Variants in STPG2 observed in about 807,000 individuals in gnomAD.
The protein encoded by STPG2 is sperm-tail PG-rich repeat-containing protein 2.
STPG2 carries 56 observed loss-of-function variants against 54.2 expected under a neutral mutation model. The ratio of observed to expected loss-of-function variants is 1.03; its 90% CI spans 0.83 to 1.29. The LOEUF (loss-of-function observed/expected upper bound fraction) is 1.29. Among genes scored for constraint, STPG2 ranks in the 50% most tolerant of loss-of-function variants. The pLI, the probability that STPG2 is intolerant of heterozygous loss-of-function variation, is 0.00. For missense variants in STPG2, 596 were observed against 544.9 expected, an observed-to-expected ratio of 1.09 and a Z score of -0.93; for synonymous variants, 200 against 181.8, an observed-to-expected ratio of 1.10 and a Z score of -0.81.
At chr4:97,717,058 T>C (rs773929648) in intron 9 of STPG2, among the ~76,000 whole-genome samples, 1 of 152,104 alleles carries the variant, frequency 6.6e-6, no homozygotes, top group Non-Finnish European at 1.5e-5. Context: ...AGAAGTATCA[T>C]CATCAATGCC....
At chr4:98,080,211 G>C (rs1738300846) in intron 5 of STPG2, among the ~76,000 whole-genome samples, 1 of 151,850 alleles carries the variant, frequency 6.6e-6, no homozygotes, top group African/African-American at 2.4e-5. Flanking sequence ...TTTCAATTAA[G>C]TTTAAAGTTC....
chr4:97,840,661 T>A, intron 9 of STPG2, 112 bp downstream of exon 9: 2 of 1,220,528 alleles, frequency 1.6e-6, no homozygotes, highest in East Asian at 2.4e-5. Flanking sequence ...TTGTTATACA[T>A]TATTTTGCTT....
At chr4:97,872,645 T>C (rs1394718181) in intron 8 of STPG2, among the ~76,000 whole-genome samples, 2 of 151,362 alleles carry the variant, frequency 1.3e-5, no homozygotes, top group East Asian at 3.9e-4. Flanking sequence ...AAGATATCTT[T>C]AATCTGTATA....
intron 9 of STPG2, among the ~76,000 whole-genome samples, chr4:97,732,921 A>C (rs1724852714): frequency 6.6e-6 from 1 of 152,172 alleles, no homozygotes; most frequent in Non-Finnish European, 1.5e-5. Context: ...CATTATTAAA[A>C]AGTAACAAAA....
intron 5 of STPG2, among the ~76,000 whole-genome samples, chr4:98,073,558 T>C (rs143747331): frequency 0.017 from 2,556 of 152,180 alleles, 77 homozygotes; most frequent in African/African-American, 0.059. Flanking sequence ...AAACTTCATC[T>C]CTACTAAAAA....
At chr4:97,553,036 T>C (rs1732000016) in intron 4 of STPG2, among the ~76,000 whole-genome samples, 1 of 151,876 alleles carries the variant, frequency 6.6e-6, no homozygotes, top group Non-Finnish European at 1.5e-5. Flanking sequence ...TTTTTCTGAA[T>C]AATCTACACC....
chr4:97,486,168 T>C (rs57834910), intron 4 of STPG2, among the ~76,000 whole-genome samples: 12,568 of 151,518 alleles, frequency 0.083, 747 homozygotes, highest in African/African-American at 0.17. Flanking sequence ...AAAGAGTAAA[T>C]AACTGGGACT....
chr4:97,972,542 C>T (rs540310293), intron 6 of STPG2, 102 bp from the exon 7 acceptor site: 4 of 665,028 alleles, frequency 6.0e-6, no homozygotes, highest in South Asian at 5.2e-5. Flanking sequence ...AAATAAAAAA[C>T]CCTCACATAT....
chr4:97,797,150 T>C (rs183286099), intron 9 of STPG2, among the ~76,000 whole-genome samples: 294 of 152,328 alleles, frequency 1.9e-3, no homozygotes, highest in African/African-American at 6.9e-3. Context: ...CAATTTGATT[T>C]CCTCTTTTCC....
chr4:97,520,578 G>A (rs1391000462), intron 4 of STPG2, among the ~76,000 whole-genome samples: 1 of 152,004 alleles, frequency 6.6e-6, no homozygotes, highest in Non-Finnish European at 1.5e-5. Flanking sequence ...TTTCCTCTGT[G>A]TATATACTGG....
intron 9 of STPG2, among the ~76,000 whole-genome samples, chr4:97,758,311 A>G (rs920601763): frequency 3.9e-5 from 6 of 152,322 alleles, no homozygotes; most frequent in Admixed American, 3.9e-4. Flanking sequence ...TACTATAAAG[A>G]CACATGCACA....
intron 5 of STPG2, among the ~76,000 whole-genome samples, chr4:98,018,784 T>C (rs1736063450): frequency 6.6e-6 from 1 of 152,042 alleles, no homozygotes; most frequent in South Asian, 2.1e-4. Flanking sequence ...ATGAGCATTT[T>C]TTCATGTGTT....
intron 8 of STPG2, among the ~76,000 whole-genome samples, chr4:97,935,483 T>C (rs1003406154): frequency 1.3e-5 from 2 of 152,188 alleles, no homozygotes; most frequent in African/African-American, 2.4e-5. Flanking sequence ...AGGGTGTTGA[T>C]TTGAGATCTT....
intron 8 of STPG2, among the ~76,000 whole-genome samples, chr4:97,892,296 T>A (rs1009525191): frequency 6.6e-6 from 1 of 152,122 alleles, no homozygotes; most frequent in Admixed American, 6.6e-5. Context: ...GAGTCCATAC[T>A]GACTTGTCCC....
chr4:98,009,492 T>C (rs188070216), intron 5 of STPG2, among the ~76,000 whole-genome samples: 105 of 152,188 alleles, frequency 6.9e-4, no homozygotes, highest in African/African-American at 2.4e-3. Flanking sequence ...TGTTTTGTAG[T>C]CCAACATATG....
chr4:97,972,618 C>A (rs1734372288), intron 6 of STPG2, among the ~76,000 whole-genome samples, 178 bp from the exon 7 acceptor site: 1 of 152,116 alleles, frequency 6.6e-6, no homozygotes, highest in South Asian at 2.1e-4. Flanking sequence ...ATACAGTTAA[C>A]ATATACTTGC....
chr4:98,125,318 C>G (rs1265300509), intron 3 of STPG2, among the ~76,000 whole-genome samples: 1 of 152,138 alleles, frequency 6.6e-6, no homozygotes, highest in Non-Finnish European at 1.5e-5. Flanking sequence ...GGCTTATCTT[C>G]TTTTGATCTT....
intron 9 of STPG2, among the ~76,000 whole-genome samples, chr4:97,724,566 T>A (rs1435843276): frequency 6.6e-6 from 1 of 152,234 alleles, no homozygotes; most frequent in Non-Finnish European, 1.5e-5. Context: ...TCATTCTCTA[T>A]CCAGCAAGTG....
intron 10 of STPG2, among the ~76,000 whole-genome samples, chr4:97,675,041 T>C (rs989037795): frequency 6.6e-6 from 1 of 152,162 alleles, no homozygotes; most frequent in Non-Finnish European, 1.5e-5. Context: ...TTTGCTCTTG[T>C]TGCCCAGGCT....
Sources: allele counts gnomAD v4.1 joint callset (sites outside exome capture counted in the v4.1 genomes callset), GRCh38; gene constraint gnomAD v4.1.1; transcripts MANE v1.5; gene names NCBI Gene and HGNC (gene_info 2026-07-23, HGNC 2026-07-21).